The following PLCB3 variants were observed in gnomAD, a reference collection of about 807,000 sequenced individuals.
PLCB3 encodes the protein 1-phosphatidylinositol 4,5-bisphosphate phosphodiesterase beta-3.
PLCB3 carries 54 observed loss-of-function variants against 152.1 expected under a neutral mutation model. That is an observed-to-expected ratio of 0.36 (90% CI 0.29 to 0.45). The LOEUF (loss-of-function observed/expected upper bound fraction) is 0.45, where lower values mean the gene tolerates loss of function less well. Among genes scored for constraint, PLCB3 ranks in the 20% least tolerant of loss-of-function variants. The pLI is 1.00. For missense variants in PLCB3, 1,248 were observed against 1,687.5 expected (o/e 0.74, Z 4.56); for synonymous variants, 717 against 698.7 (o/e 1.03, Z -0.41).
At chr11:64,262,865 G>T (rs1453171133) in intron 19 of PLCB3, 57 bp downstream of exon 19, 6 of 1,552,330 alleles carry the variant, frequency 3.9e-6, no homozygotes, top group Non-Finnish European at 5.3e-6. Context: ...AGACCGCCCC[G>T]ACTCTCAGGT....
In PLCB3 at chr11:64,262,536, T is replaced by A. The variant is rs1395429625; in HGVS notation, c.2168T>A (p.Ile723Asn). ...DPFTEVIVDG[I>N]VANALRVKVI... ...TTCACTGAGGTCATCGTGGATGGCATCGTGGCCAATGCCTTGCGGGTCAAG... is the reference window on the plus strand; with the variant it reads ...TTCACTGAGGTCATCGTGGATGGCAACGTGGCCAATGCCTTGCGGGTCAAG... The change falls in exon 18 of 31, where the codon ATC becomes AAC. Residue 723 changes from isoleucine (I) to asparagine (N), a missense_variant. By Grantham distance (149) the Ile-to-Asn change is moderately radical (BLOSUM62 -3). Transcript: ENST00000279230. The A allele has an allele frequency of 6.2e-7, 1 of 1,613,928 alleles. No homozygotes were observed.
rs1386052459 is a variant in PLCB3, at chr11:64,267,685, C to T, written c.*129C>T. ...AAATTTTATTTTTTTAAACCCGGGG[C>T]AAGTACCTCAGCTAACTCCCTTCAT... On this transcript the variant is annotated 3_prime_UTR_variant, in exon 31 of 31. Transcript: ENST00000279230. This position sits in a 1 kb window ranked among gnomAD's most constrained non-coding sequence, Gnocchi z 5.2. 6.5e-6 allele frequency: 5 copies of T among 764,476 alleles called. No homozygotes were observed. The highest frequency in any genetic ancestry group is 1.0e-5 in the Non-Finnish European group (5 of 489,756). The allele number at this position is 764,476 out of a possible 1,614,324, so 47.4% of individuals were successfully genotyped here. A position where few individuals can be genotyped will look rare whatever the true frequency, so the allele number is the denominator to read the frequency against.
rs1308875692 is a variant in PLCB3, at chr11:64,266,312, C to T, written c.3267-3C>T. ...CCTCCTCTTCCCCTGCCGGCTTCTC[C>T]AGGGAGAAGAAGGAGCTGCAGAAGA... On this transcript the variant is annotated splice_region_variant and splice_polypyrimidine_tract_variant and intron_variant, in intron 27 of 30. Coordinates refer to ENST00000279230, the MANE Select transcript of PLCB3 (RefSeq NM_000932.5). This position sits in a 1 kb window ranked among gnomAD's most constrained non-coding sequence, Gnocchi z 4.9. The T allele has an allele frequency of 6.2e-7, 1 of 1,613,340 alleles. No homozygotes were observed. The highest frequency in any genetic ancestry group is 1.3e-5 in the African/African-American group (1 of 74,806).
At position 64,267,848 on chromosome 11, in the gene PLCB3, C is replaced by G; in HGVS notation, c.*292C>G. 1 of 407,066 alleles carries G rather than the reference C, an allele frequency of 2.5e-6. No individual in the cohort carries two copies. The highest frequency in any genetic ancestry group is 3.9e-5 in the East Asian group (1 of 25,404). 25.2% of individuals were successfully genotyped at this position (407,066 alleles called of 1,614,324 possible). A position where few individuals can be genotyped will look rare whatever the true frequency, so the allele number is the denominator to read the frequency against. Reference sequence around the variant, plus strand: ...GAGAGCTGGCTGGAGACTTGGAGCTCCGGGAAGTAGGAGTCACATTTTTTT... The same window carrying G: ...GAGAGCTGGCTGGAGACTTGGAGCTGCGGGAAGTAGGAGTCACATTTTTTT... On this transcript the variant is annotated 3_prime_UTR_variant, in exon 31 of 31. Coordinates refer to ENST00000279230, the MANE Select transcript of PLCB3 (RefSeq NM_000932.5). This position sits in a 1 kb window ranked among gnomAD's most constrained non-coding sequence, Gnocchi z 5.2.
intron 1 of PLCB3, among the ~76,000 whole-genome samples, chr11:64,252,987 GAGA>G (rs949876585): frequency 1.3e-5 from 2 of 152,216 alleles, no homozygotes; most frequent in African/African-American, 4.8e-5. Context: ...TGGGAATCCG[GAGA>G]AGTGCTGGGG....
chr11:64,252,910 C>T (rs1450795610), intron 1 of PLCB3, among the ~76,000 whole-genome samples: 1 of 152,114 alleles, frequency 6.6e-6, no homozygotes, highest in Admixed American at 6.5e-5. Flanking sequence ...GAGGGAAACA[C>T]TAGGGGCAGT....
At position 64,254,826 on chromosome 11, in the gene PLCB3, G is replaced by A. The variant is rs754557859; in HGVS notation, c.246+10G>A. On this transcript the variant is annotated intron_variant, in intron 3 of 30. Transcript: ENST00000279230. ...CGCCCGCCTGCCCAAGGTGAGTGAT[G>A]AGCCTGGGAGTGAAGACCACAGCGA... 1 of 1,613,862 alleles carries A rather than the reference G, an allele frequency of 6.2e-7. No homozygotes were observed. The highest frequency in any genetic ancestry group is 1.1e-5 in the South Asian group (1 of 91,082).
In PLCB3 at chr11:64,265,085, C is replaced by T; in HGVS notation, c.2787C>T (p.Ser929=). The T allele has an allele frequency of 6.5e-7, 1 of 1,548,932 alleles. No individual in the cohort carries two copies. Among genetic ancestry groups the T allele is most frequent in the South Asian group, 1.2e-5 (1 of 84,050 alleles). ...RPPGPTTSPA[S]TSLSSPGQRD... ...CTGGCCCCACCACCTCCCCTGCCAG[C>T]ACCTCCCTCAGCAGCCCAGGTAAGG... The change falls in exon 23 of 31, where the codon AGC becomes AGT. Residue 929 remains serine (S), a synonymous_variant. Coordinates refer to ENST00000279230, the MANE Select transcript of PLCB3 (RefSeq NM_000932.5).
chr11:64,261,872 G>A (rs1012515032), intron 16 of PLCB3, 80 bp from the exon 17 acceptor site: 3 of 1,586,158 alleles, frequency 1.9e-6, no homozygotes, highest in African/African-American at 1.3e-5. Flanking sequence ...GGGGGTCACA[G>A]GAGCACCTGG....
At chr11:64,261,801 C>A in intron 16 of PLCB3, 136 bp downstream of exon 16, 1 of 1,432,626 alleles carries the variant, frequency 7.0e-7, no homozygotes. Context: ...TGGCCTGGGG[C>A]TTGGGCAGAT....
In PLCB3 at chr11:64,255,880, G is replaced by T; in HGVS notation, c.698+59G>T. 1 of 1,296,254 alleles carries T rather than the reference G, an allele frequency of 7.7e-7. No individual in the cohort carries two copies. Among genetic ancestry groups the T allele is most frequent in the Non-Finnish European group, 1.1e-6 (1 of 891,942 alleles). 80.3% of individuals were successfully genotyped at this position (1,296,254 alleles called of 1,614,324 possible). ...GCTCTGTGTTTAGCTTCTGCTTAGC[G>T]TGCCTCTAGCTCAATGGGGAGAGGG... On this transcript the variant is annotated intron_variant, in intron 8 of 30. Coordinates refer to ENST00000279230, the MANE Select transcript of PLCB3 (RefSeq NM_000932.5). The surrounding 1 kb of genome is among the most constrained non-coding windows in gnomAD (Gnocchi z 6.8).
At position 64,258,153 on chromosome 11, in the gene PLCB3, CAAAAA is replaced by C. The variant is rs34969821; in HGVS notation, c.1013-308_1013-304del. Among the ~76,000 whole-genome samples the C allele has an allele frequency of 3.0e-5, 3 of 99,046 alleles. No individual in the cohort carries two copies. The highest frequency in any genetic ancestry group is 6.7e-4 in the South Asian group (2 of 2,976). 65.0% of individuals were successfully genotyped at this position (99,046 alleles called of 152,430 possible). On this transcript the variant is annotated intron_variant, in intron 10 of 30. Coordinates refer to ENST00000279230, the MANE Select transcript of PLCB3 (RefSeq NM_000932.5). The surrounding 1 kb of genome is among the most constrained non-coding windows in gnomAD (Gnocchi z 7.2). ...TGGGTGACAGAGCGAGGTTCCGTCT[CAAAAA>C]AAAAAAAAAAAGAGATTGGATTGGA... is the stretch of plus-strand genomic sequence containing the variant.
chr11:64,254,699 T>A, intron 2 of PLCB3, 49 bp from the exon 3 acceptor site: 1 of 1,587,692 alleles, frequency 6.3e-7, no homozygotes, highest in Non-Finnish European at 8.6e-7. Context: ...AGCTCCTGGC[T>A]ATTGCCCTGC....
At chr11:64,252,685 G>A (rs2031283128) in intron 1 of PLCB3, among the ~76,000 whole-genome samples, 1 of 152,144 alleles carries the variant, frequency 6.6e-6, no homozygotes, top group Admixed American at 6.5e-5. Context: ...GAGGTGGGGT[G>A]CCTGGGGGCC....
intron 24 of PLCB3, 27 bp from the exon 25 acceptor site, chr11:64,265,283 C>A: frequency 1.9e-6 from 3 of 1,553,110 alleles, no homozygotes; most frequent in African/African-American, 1.4e-5. Flanking sequence ...CCCCACCCCC[C>A]GCCCACCTTT....
At chr11:64,259,358 G>A (rs1264878129) in intron 13 of PLCB3, 114 bp downstream of exon 13, 11 of 917,416 alleles carry the variant, frequency 1.2e-5, no homozygotes, top group Middle Eastern at 3.5e-4. Context: ...CTCGCTGTGC[G>A]CCTGTTCCCA....
chr11:64,264,316 T>A (rs113514188), intron 22 of PLCB3, among the ~76,000 whole-genome samples: 1,619 of 152,292 alleles, frequency 0.011, 13 homozygotes, highest in Non-Finnish European at 0.014. Flanking sequence ...TCCAGCTCCA[T>A]GTAGGCTTGG....
At position 64,254,893 on chromosome 11, in the gene PLCB3, C is replaced by T. The variant is rs1565329468; in HGVS notation, c.247-5C>T. ...CCTCTTCACCCTTCGCTGTCACCTA[C>T]TCAGGACCCCAAGATCCGGGAAGTT... is the stretch of plus-strand genomic sequence containing the variant. On this transcript the variant is annotated splice_region_variant and splice_polypyrimidine_tract_variant and intron_variant, in intron 3 of 30. Coordinates refer to ENST00000279230, the MANE Select transcript of PLCB3 (RefSeq NM_000932.5). 2 of 1,609,200 alleles carry T rather than the reference C, an allele frequency of 1.2e-6. No homozygotes were observed. The highest frequency in any genetic ancestry group is 2.2e-5 in the East Asian group (1 of 44,798).
chr11:64,266,463 G>A lies in PLCB3; in HGVS notation c.3357-32G>A. ...CTGGGGAGGCAGGGCAGGTGTCTGGGCCCCGAGCCATCCTGCGTTGCTCCC... is the reference window on the plus strand; with the variant it reads ...CTGGGGAGGCAGGGCAGGTGTCTGGACCCCGAGCCATCCTGCGTTGCTCCC... On this transcript the variant is annotated intron_variant, in intron 28 of 30. Transcript: ENST00000279230. The surrounding 1 kb of genome is among the most constrained non-coding windows in gnomAD (Gnocchi z 4.9). 1 of 1,610,904 alleles carries A rather than the reference G, an allele frequency of 6.2e-7. No individual in the cohort carries two copies. The highest frequency in any genetic ancestry group is 8.5e-7 in the Non-Finnish European group (1 of 1,177,266).
Sources: allele counts gnomAD v4.1 joint callset (sites outside exome capture counted in the v4.1 genomes callset), GRCh38; gene constraint gnomAD v4.1.1; non-coding constraint Gnocchi (gnomAD v3.1); transcripts MANE v1.5; gene names NCBI Gene and HGNC (gene_info 2026-07-23, HGNC 2026-07-21).